AKAP7: variants seen among roughly 807,000 people sequenced by gnomAD.
AKAP7 encodes the protein A-kinase anchoring protein 7.
AKAP7 carries 39 observed loss-of-function variants against 39.5 expected under a neutral mutation model. The ratio of observed to expected loss-of-function variants is 0.99; its 90% CI spans 0.76 to 1.29. The LOEUF (loss-of-function observed/expected upper bound fraction) is 1.29, where lower values mean the gene tolerates loss of function less well. Among genes scored for constraint, AKAP7 ranks in the 50% most tolerant of loss-of-function variants. AKAP7 has a pLI of 0.00. For missense variants in AKAP7, 414 were observed against 407.7 expected (o/e 1.02, Z -0.13); for synonymous variants, 140 against 139.1 (o/e 1.01, Z -0.05).
chr6:131,249,321 T>C (rs773291369), intron 7 of AKAP7, among the ~76,000 whole-genome samples: 1 of 152,210 alleles, frequency 6.6e-6, no homozygotes, highest in Non-Finnish European at 1.5e-5. Context: ...TGAAAACAGA[T>C]ACTAGTGTTT....
intron 7 of AKAP7, among the ~76,000 whole-genome samples, chr6:131,256,816 A>G (rs1221450851): frequency 6.6e-6 from 1 of 152,048 alleles, no homozygotes; most frequent in Non-Finnish European, 1.5e-5. Context: ...TTGGGATTAT[A>G]GATGTGAGCC....
At chr6:131,160,292 A>G in intron 3 of AKAP7, 94 bp downstream of exon 3, 3 of 1,329,574 alleles carry the variant, frequency 2.3e-6, no homozygotes, top group Middle Eastern at 2.5e-4. Context: ...CTTAGCTTTT[A>G]AGAGTATTTG....
intron 5 of AKAP7, 25 bp from the exon 6 acceptor site, chr6:131,199,432 ATTTC>A (rs1562206745): frequency 1.4e-6 from 2 of 1,441,670 alleles, no homozygotes; most frequent in Non-Finnish European, 1.9e-6. Context: ...CTGTAGTAGC[ATTTC>A]TTTGTTTCTC....
At chr6:131,218,361 T>C (rs1809389122) in intron 6 of AKAP7, among the ~76,000 whole-genome samples, 1 of 152,214 alleles carries the variant, frequency 6.6e-6, no homozygotes, top group African/African-American at 2.4e-5. Flanking sequence ...TGACACAGCA[T>C]ATTTGCTGAA....
chr6:131,134,364 C>T (rs1253758308), upstream of AKAP7, among the ~76,000 whole-genome samples: 3 of 152,130 alleles, frequency 2.0e-5, no homozygotes, highest in Non-Finnish European at 4.4e-5. Context: ...CAAAGTTGTT[C>T]CTGAGTCTTT....
upstream of AKAP7, among the ~76,000 whole-genome samples, chr6:131,135,329 G>C (rs1800434713): frequency 2.6e-5 from 4 of 152,326 alleles, no homozygotes; most frequent in South Asian, 8.3e-4. Context: ...CGAAGACCCA[G>C]CGTCGCATTG....
intron 5 of AKAP7, among the ~76,000 whole-genome samples, chr6:131,194,449 A>G (rs1332549050): frequency 2.6e-5 from 4 of 152,090 alleles, no homozygotes. Flanking sequence ...TTGTGATCTA[A>G]CATATGGTCT....
chr6:131,136,171 A>G (rs1800523722), intron 1 of AKAP7, among the ~76,000 whole-genome samples: 1 of 152,212 alleles, frequency 6.6e-6, no homozygotes, highest in Non-Finnish European at 1.5e-5. Context: ...TTTATCTTAT[A>G]TCACAAATAT....
At chr6:131,161,686 T>TAAAAAAAAAAAAAAAAAAAAA (rs1392090781) in intron 3 of AKAP7, among the ~76,000 whole-genome samples, 2 of 78,934 alleles carry the variant, frequency 2.5e-5, no homozygotes, top group South Asian at 4.2e-4. Context: ...AAAAAAAAAT[T>TAAAAAAAAAAAAAAAAAAAAA]AAAGGTCCTA....
intron 7 of AKAP7, among the ~76,000 whole-genome samples, chr6:131,243,808 C>G (rs1811794615): frequency 3.3e-5 from 5 of 152,098 alleles, no homozygotes; most frequent in Non-Finnish European, 7.4e-5. Context: ...CATTGTTAAA[C>G]TACAAGTAAA....
At chr6:131,238,585 T>G (rs1811277841) in intron 7 of AKAP7, among the ~76,000 whole-genome samples, 2 of 152,210 alleles carry the variant, frequency 1.3e-5, no homozygotes, top group South Asian at 4.1e-4. Context: ...TGAATCTGGG[T>G]GCTCCCATAT....
At chr6:131,194,723 T>G (rs1806751838) in intron 5 of AKAP7, among the ~76,000 whole-genome samples, 1 of 152,132 alleles carries the variant, frequency 6.6e-6, no homozygotes, top group Admixed American at 6.5e-5. Context: ...ACTCCAATGT[T>G]GGGTGTAAAT....
chr6:131,258,863 T>C (rs759704892), intron 7 of AKAP7, among the ~76,000 whole-genome samples: 5 of 152,208 alleles, frequency 3.3e-5, no homozygotes, highest in Non-Finnish European at 7.3e-5. Context: ...AAACCTATTA[T>C]GTATCTATGT....
intron 7 of AKAP7, among the ~76,000 whole-genome samples, chr6:131,254,476 A>G (rs1812689049): frequency 6.6e-6 from 1 of 152,232 alleles, no homozygotes; most frequent in African/African-American, 2.4e-5. Flanking sequence ...AGAAAACTTA[A>G]TAACTATGTA....
intron 3 of AKAP7, among the ~76,000 whole-genome samples, chr6:131,163,005 GCTCT>G (rs3836925): frequency 4.3e-4 from 64 of 150,180 alleles, no homozygotes; most frequent in African/African-American, 1.2e-3. Context: ...TTTCGCTCTC[GCTCT>G]CTCTCTCTCT....
intron 7 of AKAP7, among the ~76,000 whole-genome samples, chr6:131,249,680 C>CA (rs1176778585): frequency 6.6e-6 from 1 of 152,124 alleles, no homozygotes; most frequent in African/African-American, 2.4e-5. Context: ...TAATAGAGTT[C>CA]AAAATATAGC....
chr6:131,180,849 A>T lies in AKAP7; in HGVS notation c.589+11576A>T, dbSNP rs72991546. On this transcript the variant is annotated intron_variant, in intron 5 of 7. Coordinates refer to ENST00000431975, the MANE Select transcript of AKAP7 (RefSeq NM_016377.4). ...TGTTTGTTTTGTTTTTTTTTTTTTT[A>T]ATACTTCTCTCAATGTATCTTCTCA... Among the ~76,000 whole-genome samples, 731 of 74,770 alleles carry T rather than the reference A, an allele frequency of 9.8e-3. 10 individuals carry two copies. The highest frequency in any genetic ancestry group is 0.012 in the Non-Finnish European group (358 of 29,460). 49.1% of individuals were successfully genotyped at this position (74,770 alleles called of 152,430 possible). A position where few individuals can be genotyped will look rare whatever the true frequency, so the allele number is the denominator to read the frequency against.
chr6:131,255,498 A>C lies in AKAP7; in HGVS notation c.851-26032A>C, dbSNP rs140672862. ...GATAGGGAACCTCCCATCAAAGGAC[A>C]GTGACACTTTATTTTTCTTCCTTGC... On this transcript the variant is annotated intron_variant, in intron 7 of 7. Coordinates refer to ENST00000431975, the MANE Select transcript of AKAP7 (RefSeq NM_016377.4). 7.4e-3 allele frequency among the ~76,000 whole-genome samples: 1,122 copies of C among 152,334 alleles called. 10 individuals carry two copies. The highest frequency in any genetic ancestry group is 0.026 in the African/African-American group (1,077 of 41,574).
chr6:131,231,789 T>G (rs1810646954), intron 7 of AKAP7, among the ~76,000 whole-genome samples: 1 of 152,208 alleles, frequency 6.6e-6, no homozygotes, highest in African/African-American at 2.4e-5. Context: ...AGTGGAACCT[T>G]TGACTTGCTA....
Sources: allele counts gnomAD v4.1 joint callset (sites outside exome capture counted in the v4.1 genomes callset), GRCh38; gene constraint gnomAD v4.1.1; transcripts MANE v1.5; gene names NCBI Gene and HGNC (gene_info 2026-07-23, HGNC 2026-07-21).